DTX4: variants seen among roughly 807,000 people sequenced by gnomAD.
DTX4 encodes the protein deltex E3 ubiquitin ligase 4, also known as E3 ubiquitin-protein ligase DTX4.
In DTX4, 28 loss-of-function variants were observed where a neutral mutation model predicts 57.6. That is an observed-to-expected ratio of 0.49 (90% CI 0.36 to 0.67). The LOEUF (loss-of-function observed/expected upper bound fraction) is 0.67, where lower values mean the gene tolerates loss of function less well. DTX4 is among the 30% of genes least tolerant of loss of function. The probability of loss-of-function intolerance (pLI) is 0.00; values close to 1 mark genes in which losing one functional copy is unlikely to be tolerated. For synonymous variants in DTX4, 316 were observed against 331.0 expected (o/e 0.95, Z 0.49); for missense variants, 715 against 836.8 (o/e 0.85, Z 1.80).
At chr11:59,171,678 C>A (rs974996034), upstream of DTX4, among the ~76,000 whole-genome samples, 1 of 151,920 alleles carries the variant, frequency 6.6e-6, no homozygotes, top group Admixed American at 6.6e-5. Flanking sequence ...GCTAAGGATG[C>A]GGGAGAGGAT....
intron 5 of DTX4, among the ~76,000 whole-genome samples, chr11:59,191,742 C>A (rs1862601589): frequency 6.6e-6 from 1 of 152,216 alleles, no homozygotes; most frequent in Admixed American, 6.5e-5. Context: ...AAATACAATT[C>A]CTTTACATTC....
rs1862821368 is a variant in DTX4, at chr11:59,207,065, G to A, written c.*2156G>A. On this transcript the variant is annotated 3_prime_UTR_variant, in exon 9 of 9. Coordinates refer to ENST00000227451, the MANE Select transcript of DTX4 (RefSeq NM_015177.2). The stretch of plus-strand genomic sequence containing the variant: ...ACAGAGATTACTTGGAGAGCCTCAT[G>A]CCGTCTCTACCTTCGCACACTGGTC... The A allele has an allele frequency of 6.6e-6, 1 of 152,262 alleles. No homozygotes were observed. The highest frequency in any genetic ancestry group is 1.5e-5 in the Non-Finnish European group (1 of 68,062). The allele number at this position is 152,262 out of a possible 1,614,324, so 9.4% of individuals were successfully genotyped here. A position where few individuals can be genotyped will look rare whatever the true frequency, so the allele number is the denominator to read the frequency against.
rs777211449 is a variant in DTX4, at chr11:59,172,749, C to G, written c.154C>G (p.Arg52Gly). Reference sequence around the variant, plus strand: ...CGTGGTGCTGGGCCAGGTGGACAGCCGTCTCGCGCCCTACATCATCGACCT... The same window carrying G: ...CGTGGTGCTGGGCCAGGTGGACAGCGGTCTCGCGCCCTACATCATCGACCT... ...GSVVLGQVDS[R>G]LAPYIIDLQS... is the part of the protein sequence containing the mutation. Residue 52 changes from arginine (R) to glycine (G), a missense_variant, in exon 1 of 9, where the codon CGT (arginine) becomes GGT (glycine). Arg to Gly is a moderately radical substitution (Grantham distance 125). Transcript: ENST00000227451. 21 of 1,603,388 alleles carry G rather than the reference C, an allele frequency of 1.3e-5. No homozygotes were observed. Among genetic ancestry groups the G allele is most frequent in the Middle Eastern group, 2.2e-4 (1 of 4,510 alleles).
intron 1 of DTX4, among the ~76,000 whole-genome samples, chr11:59,174,187 G>A (rs934946971): frequency 3.3e-5 from 5 of 152,188 alleles, no homozygotes; most frequent in African/African-American, 1.2e-4. Flanking sequence ...ATTGAGGAGA[G>A]CTTTCTGGGG....
chr11:59,177,892 A>G (rs939945889), intron 1 of DTX4, among the ~76,000 whole-genome samples: 1 of 152,248 alleles, frequency 6.6e-6, no homozygotes, highest in Non-Finnish European at 1.5e-5. Context: ...AGTGCCTAGG[A>G]CATGCAGGCA....
chr11:59,183,210 C>T (rs1357913505), intron 2 of DTX4, among the ~76,000 whole-genome samples: 9 of 152,166 alleles, frequency 5.9e-5, no homozygotes. Flanking sequence ...TACCAAGTAC[C>T]TACCACAATG....
intron 6 of DTX4, 190 bp from the exon 7 acceptor site, chr11:59,195,018 C>A: frequency 1.6e-6 from 1 of 632,694 alleles, no homozygotes; most frequent in Admixed American, 2.8e-5. Context: ...GTGGAATTTA[C>A]CTCCTATTAC....
At chr11:59,172,857 T>G in intron 1 of DTX4, 51 bp downstream of exon 1, 3 of 1,420,286 alleles carry the variant, frequency 2.1e-6, no homozygotes, top group Non-Finnish European at 2.8e-6. Context: ...CTTCCCAACC[T>G]GCCAAGGTAC....
In DTX4 at chr11:59,195,291, C is replaced by A. The variant is rs772120536; in HGVS notation, c.1458C>A (p.His486Gln). The A allele has an allele frequency of 6.8e-6, 11 of 1,613,958 alleles. No homozygotes were observed. Among genetic ancestry groups the A allele is most frequent in the Non-Finnish European group, 9.3e-6 (11 of 1,179,856 alleles). ...GTQPPGKMEY[H>Q]LIPHSLPGHP... Reference sequence around the variant, plus strand: ...AACCTCCAGGGAAGATGGAGTACCACCTCATCCCCCACTCCTTGCCTGGCC... The same window carrying A: ...AACCTCCAGGGAAGATGGAGTACCAACTCATCCCCCACTCCTTGCCTGGCC... The change falls in exon 7 of 9, where the codon CAC becomes CAA. Residue 486 changes from histidine to glutamine, a missense_variant. His to Gln is a conservative substitution (Grantham distance 24). Coordinates refer to ENST00000227451, the MANE Select transcript of DTX4 (RefSeq NM_015177.2).
rs1223088819 is a variant in DTX4, at chr11:59,199,623, C to T, written c.1537-61C>T. 3.9e-6 allele frequency: 5 copies of T among 1,295,958 alleles called. No individual in the cohort carries two copies. The African/African-American group carries it at 5.9e-5, about 15-fold the overall frequency. 80.3% of individuals were successfully genotyped at this position (1,295,958 alleles called of 1,614,324 possible). A position where few individuals can be genotyped will look rare whatever the true frequency, so the allele number is the denominator to read the frequency against. ...ATTATTGAAATTAGTCACAGCCTAA[C>T]CCCGCTCTTATCAGAAATATTTTGA... On this transcript the variant is annotated intron_variant, in intron 7 of 8. Transcript: ENST00000227451.
Position 59,172,675 on chromosome 11 carries a change from G to C in DTX4, c.80G>C (p.Ser27Thr). 6.2e-7 allele frequency: 1 copy of C among 1,600,310 alleles called. No homozygotes were observed. The stretch of plus-strand genomic sequence containing the variant: ...TGGCGTCCCTACAGCCCAGCGGTGA[G>C]CCACCACATCGAGGCGGTGGTCCGC... ...GRWRPYSPAV[S>T]HHIEAVVRAG... Residue 27 changes from serine (S) to threonine (T), a missense_variant, in exon 1 of 9, where the codon AGC becomes ACC. Transcript: ENST00000227451.
chr11:59,181,999 G>C lies in DTX4; in HGVS notation c.472G>C (p.Asp158His). The C allele has an allele frequency of 1.2e-6, 2 of 1,613,832 alleles. No individual in the cohort carries two copies. The highest frequency in any genetic ancestry group is 1.7e-6 in the Non-Finnish European group (2 of 1,179,856). ...QRQRRVRRRL[D>H]LIYPMVTGTL... The stretch of plus-strand genomic sequence containing the variant: ...CCAACGCCGCGTCCGCCGGCGCCTC[G>C]ACCTCATCTACCCCATGGTCACAGG... Residue 158 changes from aspartate to histidine, a missense_variant, in exon 2 of 9, where the codon GAC becomes CAC. Physicochemically the swap from Asp to His is moderately conservative, Grantham distance 81. Transcript: ENST00000227451.
At chr11:59,195,511 T>C (rs1193944678) in intron 7 of DTX4, 142 bp downstream of exon 7, 1 of 911,472 alleles carries the variant, frequency 1.1e-6, no homozygotes, top group African/African-American at 1.7e-5. Flanking sequence ...TGACACTACA[T>C]CCCCCGACTC....
chr11:59,195,392 C>T (rs1565220504), intron 7 of DTX4, 23 bp downstream of exon 7: 1 of 1,580,982 alleles, frequency 6.3e-7, no homozygotes. Flanking sequence ...CTCAGGTGAG[C>T]CTTTCTGTCA....
intron 2 of DTX4, among the ~76,000 whole-genome samples, chr11:59,188,356 C>T (rs148367097): frequency 1.1e-3 from 165 of 152,210 alleles, no homozygotes; most frequent in African/African-American, 3.8e-3. Context: ...GGAAACTAAG[C>T]AGTTGTCTGG....
chr11:59,188,503 G>A (rs747139104), intron 2 of DTX4, among the ~76,000 whole-genome samples: 3 of 152,208 alleles, frequency 2.0e-5, no homozygotes, highest in Non-Finnish European at 2.9e-5. Context: ...TTGGCAGATC[G>A]TGCTGGGCTC....
chr11:59,181,293 C>T (rs1862458962), intron 1 of DTX4, among the ~76,000 whole-genome samples: 1 of 152,170 alleles, frequency 6.6e-6, no homozygotes, highest in African/African-American at 2.4e-5. Flanking sequence ...AATCCAGAAC[C>T]TCGCATGTAC....
rs1319501949 is a variant in DTX4, at chr11:59,204,890, C to T, written c.1841C>T (p.Thr614Ile). The T allele has an allele frequency of 6.3e-7, 1 of 1,586,788 alleles. No homozygotes were observed. The highest frequency in any genetic ancestry group is 8.6e-7 in the Non-Finnish European group (1 of 1,165,802). Residue 614 changes from threonine to isoleucine, a missense_variant, in exon 9 of 9, where the codon ACT becomes ATT. Thr to Ile is a moderately conservative substitution (Grantham distance 89). Transcript: ENST00000227451. ...GCCCAGGGCATCTCTGAGGACAGCACTGCCCAGGAGAAGGACTGAGGCCAG... is the reference window on the plus strand; with the variant it reads ...GCCCAGGGCATCTCTGAGGACAGCATTGCCCAGGAGAAGGACTGAGGCCAG... ...LAAQGISEDS[T>I]AQEKD
At chr11:59,203,430 C>T (rs116923114) in intron 8 of DTX4, among the ~76,000 whole-genome samples, 4,397 of 151,560 alleles carry the variant, frequency 0.029, 107 homozygotes, top group Middle Eastern at 0.068. Flanking sequence ...AATGAACACA[C>T]GAACATATAC....
Sources: gnomAD v4.1 joint callset for allele counts (sites outside exome capture counted in the v4.1 genomes callset) on GRCh38, gnomAD v4.1.1 for gene constraint, MANE v1.5 for transcripts, NCBI Gene and HGNC (gene_info 2026-07-23, HGNC 2026-07-21) for gene names.